The following KDM4C variants were observed in gnomAD, a reference collection of about 807,000 sequenced individuals.
KDM4C encodes lysine demethylase 4C.
KDM4C carries 81 observed loss-of-function variants against 129.3 expected under a neutral mutation model. The observed-to-expected ratio is 0.63, with a 90% CI of 0.52 to 0.75. The LOEUF is 0.75. Ranked by LOEUF, KDM4C falls within the 30% of genes least tolerant of loss-of-function variation. The probability of loss-of-function intolerance (pLI) is 0.00; values close to 1 mark genes in which losing one functional copy is unlikely to be tolerated. For synonymous variants in KDM4C, 573 were observed against 456.1 expected (o/e 1.26, Z -3.26); for missense variants, 1,457 against 1,304.0 (o/e 1.12, Z -1.81).
At chr9:6,866,999 G>GTGTGTGTA (rs1842115513) in intron 5 of KDM4C, among the ~76,000 whole-genome samples, 1 of 55,144 alleles carries the variant, frequency 1.8e-5, no homozygotes, top group African/African-American at 9.0e-5. Flanking sequence ...GTGTGTGTGT[G>GTGTGTGTA]TATATATATA....
rs530513903 is a variant in KDM4C, at chr9:6,795,326, A to AT, written c.144+2200dup. ...CTGTAATTAGGTTGTATATATATAT[A>AT]TTTTTTGTTGTTGTTTCTTTTTGAG... On this transcript the variant is annotated intron_variant, in intron 2 of 21. Transcript: ENST00000381309. Among the ~76,000 whole-genome samples, 1,324 of 151,860 alleles carry AT rather than the reference A, an allele frequency of 8.7e-3. 10 individuals carry two copies. The highest frequency in any genetic ancestry group is 0.014 in the South Asian group (67 of 4,812).
chr9:7,102,309 CTTTTT>C (rs34614459), intron 17 of KDM4C, among the ~76,000 whole-genome samples: 2,649 of 89,996 alleles, frequency 0.029, 62 homozygotes, highest in East Asian at 0.15. Context: ...ATGGTTTTCC[CTTTTT>C]TTTTTTTTTT....
intron 17 of KDM4C, among the ~76,000 whole-genome samples, chr9:7,061,434 A>G (rs148221858): frequency 3.3e-5 from 5 of 152,182 alleles, no homozygotes; most frequent in African/African-American, 9.7e-5. Context: ...GATGTCTGAT[A>G]ATCCTTGGTT....
rs115629611 is a variant in KDM4C, at chr9:6,858,488, T to C, written c.629+8788T>C. On this transcript the variant is annotated intron_variant, in intron 5 of 21. Coordinates refer to ENST00000381309, the MANE Select transcript of KDM4C (RefSeq NM_015061.6). ...GTACTTCATGGAAAGCAAGCATTAA[T>C]GCTGTTCACCTCGCAAATTACTGTG... Among the ~76,000 whole-genome samples the C allele has an allele frequency of 6.1e-3, 932 of 152,326 alleles. 10 individuals are homozygous for C. The highest frequency in any genetic ancestry group is 0.021 in the African/African-American group (888 of 41,572).
At chr9:6,790,490 C>T (rs1041566346) in intron 1 of KDM4C, among the ~76,000 whole-genome samples, 1 of 149,802 alleles carries the variant, frequency 6.7e-6, no homozygotes, top group Non-Finnish European at 1.5e-5. Context: ...CTGACCTCAA[C>T]TGATCCGCCC....
intron 18 of KDM4C, chr9:7,127,766 C>CGT (rs1840175126): frequency 4.8e-6 from 1 of 208,390 alleles, no homozygotes; most frequent in African/African-American, 2.3e-5. Context: ...TACACATACA[C>CGT]GTGTGTATAT....
At chr9:6,730,654 G>A (rs1356983614) in intron 1 of KDM4C, among the ~76,000 whole-genome samples, 1 of 151,800 alleles carries the variant, frequency 6.6e-6, no homozygotes, top group Non-Finnish European at 1.5e-5. Flanking sequence ...ATTTAATTGA[G>A]CAATGAATGA....
rs372350207 is a variant in KDM4C, at chr9:7,013,634, ATTTAAAAAAAACTAGTAGT to A, written c.1969-151_1969-133del. 8.3e-3 allele frequency among the ~76,000 whole-genome samples: 1,260 copies of A among 152,290 alleles called. 18 individuals are homozygous for A. The highest frequency in any genetic ancestry group is 0.028 in the African/African-American group (1,162 of 41,566). On this transcript the variant is annotated intron_variant, in intron 13 of 21. Coordinates refer to ENST00000381309, the MANE Select transcript of KDM4C (RefSeq NM_015061.6). Reference sequence around the variant, plus strand: ...GGTGGGAGTCTGAGGTGGAATATTGATTTAAAAAAAACTAGTAGTTTGGTCAAGGAGAACAACAGGAAGA... The same window carrying A: ...GGTGGGAGTCTGAGGTGGAATATTGATTGGTCAAGGAGAACAACAGGAAGA...
chr9:7,035,273 C>G (rs148482777), intron 15 of KDM4C, among the ~76,000 whole-genome samples: 5,035 of 144,308 alleles, frequency 0.035, 322 homozygotes, highest in African/African-American at 0.12. Context: ...CTTGGCCTCT[C>G]AAAGTGCTAG....
chr9:6,744,744 G>A (rs773348597), intron 1 of KDM4C, among the ~76,000 whole-genome samples: 1 of 151,990 alleles, frequency 6.6e-6, no homozygotes, highest in African/African-American at 2.4e-5. Flanking sequence ...CCTTGTTGGA[G>A]GTTTGGGCAC....
chr9:7,021,120 A>ATGTGTG (rs576805327), intron 15 of KDM4C, among the ~76,000 whole-genome samples: 127 of 128,352 alleles, frequency 9.9e-4, no homozygotes, highest in Middle Eastern at 3.7e-3. Context: ...ACATATATAT[A>ATGTGTG]TGTGTGTGTG....
chr9:7,133,819 G>A (rs945982013), intron 19 of KDM4C, among the ~76,000 whole-genome samples: 4 of 152,238 alleles, frequency 2.6e-5, no homozygotes, highest in African/African-American at 9.6e-5. Context: ...AAATATCCAA[G>A]TGGGTTTGAG....
In KDM4C at chr9:7,164,448, G is replaced by T. The variant is rs532242199; in HGVS notation, c.2782-790G>T. Among the ~76,000 whole-genome samples, 35 of 151,978 alleles carry T rather than the reference G, an allele frequency of 2.3e-4. No homozygotes were observed. The South Asian group carries it at 5.8e-3, about 25-fold the overall frequency. On this transcript the variant is annotated intron_variant, in intron 19 of 21. Coordinates refer to ENST00000381309, the MANE Select transcript of KDM4C (RefSeq NM_015061.6). ...CAATATGAAACAGAAGATCTGAAAT[G>T]AAAAGATTCTGGTTATGGGTGCCAC... is the stretch of plus-strand genomic sequence containing the variant.
intron 17 of KDM4C, among the ~76,000 whole-genome samples, chr9:7,062,253 C>G (rs1222741851): frequency 6.6e-6 from 1 of 152,158 alleles, no homozygotes; most frequent in Admixed American, 6.5e-5. Context: ...CAGGTGTGAA[C>G]CACTGTGCCC....
In KDM4C at chr9:7,105,414, A is replaced by G. The variant is rs1027188854; in HGVS notation, c.2610+1544A>G. On this transcript the variant is annotated intron_variant, in intron 18 of 21. Coordinates refer to ENST00000381309, the MANE Select transcript of KDM4C (RefSeq NM_015061.6). Reference sequence around the variant, plus strand: ...ATGTTGTTTTCAGTTCACAGCACAGAGTAAGCACTCAAAAAATGAAAGTTG... The same window carrying G: ...ATGTTGTTTTCAGTTCACAGCACAGGGTAAGCACTCAAAAAATGAAAGTTG... The G allele has an allele frequency of 8.5e-6, 4 of 470,932 alleles. No homozygotes were observed. In the East Asian group the frequency reaches 2.1e-4, roughly 25 times the overall value. The allele number at this position is 470,932 out of a possible 1,614,324, so 29.2% of individuals were successfully genotyped here.
intron 6 of KDM4C, among the ~76,000 whole-genome samples, chr9:6,886,635 G>A (rs960932921): frequency 2.6e-5 from 4 of 151,910 alleles, no homozygotes; most frequent in Non-Finnish European, 5.9e-5. Flanking sequence ...GGGACCACAG[G>A]TGTGCGTCAC....
chr9:6,924,816 C>T (rs1666551155), intron 8 of KDM4C: 1 of 979,340 alleles, frequency 1.0e-6, no homozygotes, highest in Non-Finnish European at 1.2e-6. Context: ...TTCTGCATTC[C>T]ACTTTGCTAT....
rs1468283053 is a variant in KDM4C at position 6,729,542 on chromosome 9, C to G, written c.49+8545C>G. On this transcript the variant is annotated intron_variant, in intron 1 of 17. Coordinates refer to the KDM4C transcript ENST00000536108. Reference sequence around the variant, plus strand: ...AGCTTGGATGACAGAGACCCTGTCTCAAAAACAAAAAAAACAAATCTCCAT... The same window carrying G: ...AGCTTGGATGACAGAGACCCTGTCTGAAAAACAAAAAAAACAAATCTCCAT... Among the ~76,000 whole-genome samples, 2 of 131,972 alleles carry G rather than the reference C, an allele frequency of 1.5e-5. 1 individual carries two copies. Among genetic ancestry groups the G allele is most frequent in the Non-Finnish European group, 3.1e-5 (2 of 64,962 alleles). The allele number at this position is 131,972 out of a possible 152,430, so 86.6% of individuals were successfully genotyped here.
intron 17 of KDM4C, among the ~76,000 whole-genome samples, chr9:7,097,464 C>A (rs1401357276): frequency 6.6e-6 from 1 of 152,206 alleles, no homozygotes; most frequent in African/African-American, 2.4e-5. Flanking sequence ...AGGTGAGCTG[C>A]CTACACTCTC....
Sources: allele counts gnomAD v4.1 joint callset (sites outside exome capture counted in the v4.1 genomes callset), GRCh38; gene constraint gnomAD v4.1.1; transcripts MANE v1.5; gene names NCBI Gene and HGNC (gene_info 2026-07-23, HGNC 2026-07-21).